Variants in FIP1L1 observed in about 807,000 individuals in gnomAD.
FIP1L1 encodes the protein pre-mRNA 3'-end-processing factor FIP1.
Under a neutral mutation model 84.6 loss-of-function variants are expected in FIP1L1, and 21 were observed. The ratio of observed to expected loss-of-function variants is 0.25; its 90% CI spans 0.18 to 0.36. The LOEUF is 0.36. Ranked by LOEUF, FIP1L1 falls within the 10% of genes least tolerant of loss-of-function variation. The probability of loss-of-function intolerance (pLI) is 1.00; values close to 1 mark genes in which losing one functional copy is unlikely to be tolerated. For missense variants in FIP1L1, 526 were observed against 751.1 expected, an observed-to-expected ratio of 0.70 and a Z score of 3.50; for synonymous variants, 263 against 242.3, an observed-to-expected ratio of 1.09 and a Z score of -0.80.
chr4:53,459,495 T>G lies in FIP1L1; in HGVS notation c.*46T>G. The G allele has an allele frequency of 6.2e-7, 1 of 1,610,162 alleles. No individual in the cohort carries two copies. The highest frequency in any genetic ancestry group is 1.3e-5 in the African/African-American group (1 of 74,894). On this transcript the variant is annotated 3_prime_UTR_variant, in exon 18 of 18. Transcript: ENST00000337488. ...GTATATTAGTACCAGAAGTAGATAC[T>G]ATAAATCTTGTTATTTTTCTGGATA...
intron 11 of FIP1L1, among the ~76,000 whole-genome samples, chr4:53,417,803 T>A (rs867200872): frequency 0.12 from 12,482 of 106,866 alleles, 1,342 homozygotes; most frequent in South Asian, 0.32. Context: ...TCTCTCTCTC[T>A]CTCTCTCTCT....
intron 13 of FIP1L1, among the ~76,000 whole-genome samples, chr4:53,437,260 C>T (rs1220715544): frequency 3.1e-5 from 4 of 129,746 alleles, no homozygotes; most frequent in South Asian, 2.5e-4. Context: ...GCTGGGGAGG[C>T]AGAGGTTGCA....
At chr4:53,402,978 T>G (rs1751073885) in intron 10 of FIP1L1, among the ~76,000 whole-genome samples, 1 of 152,192 alleles carries the variant, frequency 6.6e-6, no homozygotes, top group African/African-American at 2.4e-5. Context: ...TGCTTTCATT[T>G]TTCCCGGCAA....
intron 4 of FIP1L1, among the ~76,000 whole-genome samples, chr4:53,382,962 A>C (rs1215771468): frequency 1.3e-5 from 2 of 152,102 alleles, no homozygotes; most frequent in Non-Finnish European, 2.9e-5. Context: ...GGTATACAAG[A>C]ATACCAAGAA....
In FIP1L1 at chr4:53,428,101, T is replaced by A; in HGVS notation, c.1092T>A (p.Ala364=). Residue 364 remains alanine (A), a synonymous_variant, in exon 13 of 18, where the codon GCT becomes GCA. Transcript: ENST00000337488. ...SKPPPFFPPG[A]PPTHLPPPPF... is the part of the protein sequence containing the mutation. ...CACCTCCGTTTTTCCCTCCAGGAGCTCCTCCCACTCACCTTCCACCTCCTC... is the reference window on the plus strand; with the variant it reads ...CACCTCCGTTTTTCCCTCCAGGAGCACCTCCCACTCACCTTCCACCTCCTC... 1 of 1,610,656 alleles carries A rather than the reference T, an allele frequency of 6.2e-7. No homozygotes were observed. Among genetic ancestry groups the A allele is most frequent in the Non-Finnish European group, 8.5e-7 (1 of 1,177,538 alleles).
chr4:53,432,402 A>C (rs1767133755), intron 13 of FIP1L1, among the ~76,000 whole-genome samples: 7 of 25,424 alleles, frequency 2.8e-4, no homozygotes, highest in Non-Finnish European at 9.1e-4. Flanking sequence ...CCATCTCAAA[A>C]AAAAAAAAAA....
chr4:53,430,227 C>G (rs1258824592), intron 13 of FIP1L1, among the ~76,000 whole-genome samples: 1 of 151,482 alleles, frequency 6.6e-6, no homozygotes, highest in African/African-American at 2.4e-5. Flanking sequence ...ACAACAAATA[C>G]TTAGCTGGTA....
At chr4:53,455,235 T>C (rs1008235401) in intron 16 of FIP1L1, among the ~76,000 whole-genome samples, 2 of 152,214 alleles carry the variant, frequency 1.3e-5, no homozygotes, top group African/African-American at 4.8e-5. Flanking sequence ...TAACCATTCA[T>C]GTGTTCACTG....
chr4:53,383,500 A>T (rs1291480181), intron 4 of FIP1L1, among the ~76,000 whole-genome samples: 1 of 152,168 alleles, frequency 6.6e-6, no homozygotes, highest in Non-Finnish European at 1.5e-5. Context: ...TGTCTCTGCT[A>T]AAAATACAAA....
chr4:53,417,913 AACTG>A lies in FIP1L1; in HGVS notation c.923+3194_923+3197del, dbSNP rs762875458. Among the ~76,000 whole-genome samples the A allele has an allele frequency of 4.6e-4, 70 of 152,008 alleles. 1 individual carries two copies. Among genetic ancestry groups the A allele is most frequent in the Non-Finnish European group, 8.7e-4 (59 of 68,010 alleles). ...AGATTCCTGCTCTTGTAGTTAATGT[AACTG>A]ACAAATGTGGAGTTTGAGGCATTGC... On this transcript the variant is annotated intron_variant, in intron 11 of 17. Coordinates refer to ENST00000337488, the MANE Select transcript of FIP1L1 (RefSeq NM_030917.4).
chr4:53,380,871 ATATACTTTTC>A (rs1737487216), intron 3 of FIP1L1, among the ~76,000 whole-genome samples: 1 of 152,202 alleles, frequency 6.6e-6, no homozygotes, highest in South Asian at 2.1e-4. Flanking sequence ...TTACAATCAA[ATATACTTTTC>A]TATATGATAA....
At position 53,377,918 on chromosome 4, in the gene FIP1L1, A is replaced by T. The variant is rs1301910149; in HGVS notation, c.80A>T (p.Tyr27Phe). The change falls in exon 1 of 18, where the codon TAT becomes TTT. Residue 27 changes from tyrosine (Y) to phenylalanine (F), a missense_variant. Physicochemically the swap from Tyr to Phe is conservative, Grantham distance 22. This residue lies in a region of FIP1L1 where 100 missense variants were observed against 107.2 expected (regional missense o/e 0.93). Coordinates refer to ENST00000337488, the MANE Select transcript of FIP1L1 (RefSeq NM_030917.4). ...GGGGATGAGGAGGAAGAGTGGCTCT[A>T]TGGCGGTACGAAACTTCCTGTCTCT... ...TGGDEEEEWL[Y>F]GGPWDVHVHS... The T allele has an allele frequency of 6.3e-7, 1 of 1,594,098 alleles. No homozygotes were observed. Among genetic ancestry groups the T allele is most frequent in the Non-Finnish European group, 8.5e-7 (1 of 1,170,100 alleles).
intron 12 of FIP1L1, among the ~76,000 whole-genome samples, chr4:53,427,278 G>C: frequency 6.6e-6 from 1 of 152,112 alleles, no homozygotes; most frequent in Non-Finnish European, 1.5e-5. Context: ...CATTATGTTG[G>C]CTGTCTTTCC....
At chr4:53,397,047 T>G (rs1747783236) in intron 9 of FIP1L1, among the ~76,000 whole-genome samples, 1 of 152,238 alleles carries the variant, frequency 6.6e-6, no homozygotes, top group African/African-American at 2.4e-5. Context: ...GTTATTTTTC[T>G]TTTTAACCGA....
At chr4:53,457,270 G>C (rs1719673657) in intron 16 of FIP1L1, among the ~76,000 whole-genome samples, 1 of 152,080 alleles carries the variant, frequency 6.6e-6, no homozygotes, top group Non-Finnish European at 1.5e-5. Context: ...ATGTGATCCT[G>C]TGTGTACTCC....
Position 53,460,813 on chromosome 4 carries a change from TTC to T in FIP1L1, c.*1366_*1367del. The T allele has an allele frequency of 8.1e-7, 1 of 1,234,322 alleles. No individual in the cohort carries two copies. 76.5% of individuals were successfully genotyped at this position (1,234,322 alleles called of 1,614,324 possible). On this transcript the variant is annotated 3_prime_UTR_variant, in exon 18 of 18. Coordinates refer to ENST00000337488, the MANE Select transcript of FIP1L1 (RefSeq NM_030917.4). ...TCCTGACATTTTTACAATGTATTCTTTCTTTAAATATAAAAACTGACAAGATA... is the reference window on the plus strand; with the variant it reads ...TCCTGACATTTTTACAATGTATTCTTTTTAAATATAAAAACTGACAAGATA...
At chr4:53,404,436 A>G (rs1457876118) in intron 10 of FIP1L1, among the ~76,000 whole-genome samples, 1 of 151,880 alleles carries the variant, frequency 6.6e-6, no homozygotes, top group Non-Finnish European at 1.5e-5. Flanking sequence ...GTTGGTTCCA[A>G]GTCTTTGCTA....
At chr4:53,439,211 T>C (rs2150183877) in intron 13 of FIP1L1, among the ~76,000 whole-genome samples, 1 of 152,260 alleles carries the variant, frequency 6.6e-6, no homozygotes, top group South Asian at 2.1e-4. Flanking sequence ...TTGGATTCTT[T>C]TAGTTTAGTA....
At position 53,427,860 on chromosome 4, in the gene FIP1L1, G is replaced by A. The variant is rs182889697; in HGVS notation, c.1018-167G>A. Among the ~76,000 whole-genome samples, 555 of 152,192 alleles carry A rather than the reference G, an allele frequency of 3.6e-3. 2 individuals carry two copies. Among genetic ancestry groups the A allele is most frequent in the Middle Eastern group, 6.8e-3 (2 of 294 alleles). ...TATGTGTATACTCACACAGGCGTAT[G>A]TATACACATATCACACATGTAGAAC... On this transcript the variant is annotated intron_variant, in intron 12 of 17. Transcript: ENST00000337488.
Sources: gnomAD v4.1 joint callset for allele counts (sites outside exome capture counted in the v4.1 genomes callset) on GRCh38, gnomAD v4.1.1 for gene constraint, gnomAD v4.1.1 regional missense constraint, MANE v1.5 for transcripts, NCBI Gene and HGNC (gene_info 2026-07-23, HGNC 2026-07-21) for gene names.